The following SRBD1 variants were observed in gnomAD, a reference collection of about 807,000 sequenced individuals.
SRBD1 encodes the protein S1 RNA-binding domain-containing protein 1.
Under a neutral mutation model 115.3 loss-of-function variants are expected in SRBD1, and 88 were observed. The observed-to-expected ratio is 0.76, with a 90% confidence interval of 0.64 to 0.91. SRBD1 has a LOEUF of 0.91. Ranked by LOEUF, SRBD1 falls within the 40% of genes least tolerant of loss-of-function variation. The pLI, the probability that SRBD1 is intolerant of heterozygous loss-of-function variation, is 0.00. For missense variants in SRBD1, 1,385 were observed against 1,177.4 expected (o/e 1.18, Z -2.58); for synonymous variants, 509 against 407.7 (o/e 1.25, Z -2.99).
intron 14 of SRBD1, among the ~76,000 whole-genome samples, chr2:45,528,815 T>G (rs1372319905): frequency 6.6e-6 from 1 of 151,852 alleles, no homozygotes; most frequent in Admixed American, 6.6e-5. Context: ...TTAACAGGCT[T>G]AGAAGTACAA....
chr2:45,541,475 A>C (rs925807219), intron 14 of SRBD1, among the ~76,000 whole-genome samples: 1 of 152,204 alleles, frequency 6.6e-6, no homozygotes, highest in Non-Finnish European at 1.5e-5. Flanking sequence ...TTCTTGTCCC[A>C]TGTCCAAGAA....
intron 1 of SRBD1, among the ~76,000 whole-genome samples, chr2:45,608,482 C>T (rs780030949): frequency 4.6e-5 from 7 of 152,146 alleles, no homozygotes; most frequent in African/African-American, 1.7e-4. Flanking sequence ...TTCTTGAGGC[C>T]TGTTTCTCCA....
intron 16 of SRBD1, among the ~76,000 whole-genome samples, chr2:45,457,778 C>A (rs1433399082): frequency 6.6e-6 from 1 of 151,796 alleles, no homozygotes; most frequent in Non-Finnish European, 1.5e-5. Flanking sequence ...CTTCAAGAGA[C>A]CAAGAAATTT....
chr2:45,568,296 G>A (rs949897417), intron 9 of SRBD1, among the ~76,000 whole-genome samples: 3 of 152,184 alleles, frequency 2.0e-5, no homozygotes, highest in Non-Finnish European at 4.4e-5. Context: ...TACTTGGAGA[G>A]AGTTCCACAG....
rs1672163165 is a variant in SRBD1 at position 45,547,623 on chromosome 2, T to C, written c.1676-11A>G. ...TATGAAGTATCTGACCTTTAAAAAA[T>C]GAAAAGAATAAGCCATTTTATAAGA... is the stretch of plus-strand genomic sequence containing the variant. On this transcript the variant is annotated splice_polypyrimidine_tract_variant and intron_variant, in intron 12 of 20. Coordinates refer to ENST00000263736, the MANE Select transcript of SRBD1 (RefSeq NM_018079.5). 1.9e-6 allele frequency: 3 copies of C among 1,601,232 alleles called. No homozygotes were observed.
At chr2:45,492,437 C>CTGT (rs899607278) in intron 14 of SRBD1, among the ~76,000 whole-genome samples, 1 of 151,898 alleles carries the variant, frequency 6.6e-6, no homozygotes, top group East Asian at 1.9e-4. Flanking sequence ...TAGGTTTTTT[C>CTGT]TGTTGTTGTT....
At chr2:45,572,071 C>G (rs1005945873) in intron 9 of SRBD1, among the ~76,000 whole-genome samples, 1 of 152,052 alleles carries the variant, frequency 6.6e-6, no homozygotes, top group East Asian at 1.9e-4. Flanking sequence ...AGACCCATGA[C>G]AAGACACATT....
intron 2 of SRBD1, among the ~76,000 whole-genome samples, chr2:45,602,477 CA>C (rs1674127081): frequency 6.6e-6 from 1 of 152,168 alleles, no homozygotes; most frequent in African/African-American, 2.4e-5. Flanking sequence ...AACTACTAAT[CA>C]AATTCATTTA....
intron 15 of SRBD1, among the ~76,000 whole-genome samples, chr2:45,487,208 T>C (rs1474712517): frequency 6.6e-6 from 1 of 152,232 alleles, no homozygotes; most frequent in Non-Finnish European, 1.5e-5. Context: ...TGAAATCTGA[T>C]GAGAATATTT....
intron 10 of SRBD1, among the ~76,000 whole-genome samples, chr2:45,554,641 A>C (rs1184267781): frequency 6.6e-6 from 1 of 152,316 alleles, no homozygotes; most frequent in Middle Eastern, 3.4e-3. Flanking sequence ...ATCACAAGCT[A>C]AAAGGACAAA....
At chr2:45,531,048 C>T (rs1223211869) in intron 14 of SRBD1, among the ~76,000 whole-genome samples, 1 of 151,852 alleles carries the variant, frequency 6.6e-6, no homozygotes, top group African/African-American at 2.4e-5. Flanking sequence ...CACACACATA[C>T]TAGGCTATCT....
Position 45,427,400 on chromosome 2 carries a change from A to G in SRBD1, c.2050-7506T>C, listed in dbSNP as rs190867464. On this transcript the variant is annotated intron_variant, in intron 16 of 20. Transcript: ENST00000263736. ...AGACCCATACCATGTGCAAAGACAC[A>G]CACAGGCTCAAAATAAAGGGATGGA... 1.8e-3 allele frequency among the ~76,000 whole-genome samples: 273 copies of G among 152,038 alleles called. 1 individual carries two copies. Among genetic ancestry groups the G allele is most frequent in the African/African-American group, 6.3e-3 (261 of 41,464 alleles).
At chr2:45,555,215 G>C (rs977473817) in intron 10 of SRBD1, among the ~76,000 whole-genome samples, 7 of 152,118 alleles carry the variant, frequency 4.6e-5, no homozygotes, top group African/African-American at 1.7e-4. Context: ...GCCAGACCTT[G>C]TCTCTACAAA....
chr2:45,562,514 G>A (rs951211943), intron 10 of SRBD1, 139 bp downstream of exon 10: 62 of 566,796 alleles, frequency 1.1e-4, no homozygotes, highest in Non-Finnish European at 4.9e-5. Context: ...TTACAGGCGT[G>A]AGCCACCGCG....
chr2:45,470,402 G>A (rs992697825), intron 16 of SRBD1, among the ~76,000 whole-genome samples: 4 of 152,074 alleles, frequency 2.6e-5, no homozygotes, highest in African/African-American at 9.7e-5. Context: ...CCTGGATATA[G>A]AATCCAATAA....
At chr2:45,532,357 C>T (rs1317169776) in intron 14 of SRBD1, among the ~76,000 whole-genome samples, 1 of 151,844 alleles carries the variant, frequency 6.6e-6, no homozygotes, top group East Asian at 1.9e-4. Context: ...TGTTGGCTAT[C>T]TTTCATGTAC....
intron 4 of SRBD1, among the ~76,000 whole-genome samples, chr2:45,592,051 A>G (rs540994546): frequency 1.3e-5 from 2 of 152,258 alleles, no homozygotes; most frequent in South Asian, 2.1e-4. Flanking sequence ...TTCTTGCGAT[A>G]GTGAATAAGT....
intron 17 of SRBD1, 105 bp from the exon 18 acceptor site, chr2:45,418,646 G>T: frequency 1.0e-6 from 1 of 968,920 alleles, no homozygotes; most frequent in Non-Finnish European, 1.4e-6. Context: ...ATCCTCATAC[G>T]GCTAAGTTAA....
At chr2:45,442,662 C>T (rs1459199778) in intron 16 of SRBD1, among the ~76,000 whole-genome samples, 4 of 152,186 alleles carry the variant, frequency 2.6e-5, no homozygotes, top group Non-Finnish European at 4.4e-5. Flanking sequence ...TCAGATAATT[C>T]ATCTTATTCA....
Sources: gnomAD v4.1 joint callset for allele counts (sites outside exome capture counted in the v4.1 genomes callset) on GRCh38, gnomAD v4.1.1 for gene constraint, MANE v1.5 for transcripts, NCBI Gene and HGNC (gene_info 2026-07-23, HGNC 2026-07-21) for gene names.